Variants in CCSAP observed in about 807,000 individuals in gnomAD.
CCSAP encodes centriole, cilia and spindle-associated protein.
In CCSAP, 17 loss-of-function variants were observed where a neutral mutation model predicts 25.9. That is an observed-to-expected ratio of 0.66 (90% confidence interval 0.45 to 0.99). The LOEUF is 0.99. CCSAP is among the 50% of genes least tolerant of loss of function. The probability of loss-of-function intolerance (pLI) is 0.00; values close to 1 mark genes in which losing one functional copy is unlikely to be tolerated. For missense variants in CCSAP, 339 were observed against 367.8 expected, an observed-to-expected ratio of 0.92 and a Z score of 0.64; for synonymous variants, 169 against 157.1, an observed-to-expected ratio of 1.08 and a Z score of -0.57.
rs1657860549 is a variant in CCSAP, at chr1:229,322,912, T to C, written c.*2323A>G. 1 of 152,226 alleles carries C rather than the reference T, an allele frequency of 6.6e-6. No homozygotes were observed. The highest frequency in any genetic ancestry group is 2.1e-4 in the South Asian group (1 of 4,832). The allele number at this position is 152,226 out of a possible 1,614,324, so 9.4% of individuals were successfully genotyped here. A position where few individuals can be genotyped will look rare whatever the true frequency, so the allele number is the denominator to read the frequency against. On this transcript the variant is annotated 3_prime_UTR_variant, in exon 4 of 4. Transcript: ENST00000284617. ...TTTCAGACTTTTTCAACATGAAAGG[T>C]AATTTTTAAACTGTCTCACTGTCTT...
chr1:229,325,883 C>T (rs1280918856), intron 3 of CCSAP, among the ~76,000 whole-genome samples: 1 of 152,202 alleles, frequency 6.6e-6, no homozygotes, highest in African/African-American at 2.4e-5. Flanking sequence ...TAAAATTAAT[C>T]CCACGGACTT....
intron 2 of CCSAP, among the ~76,000 whole-genome samples, chr1:229,338,538 A>AATAC (rs112991384): frequency 1.3e-4 from 19 of 141,906 alleles, no homozygotes; most frequent in African/African-American, 4.7e-4. Flanking sequence ...CCCAAACCCC[A>AATAC]ACACACACAC....
At chr1:229,336,932 G>A (rs528676861) in intron 2 of CCSAP, among the ~76,000 whole-genome samples, 6 of 152,172 alleles carry the variant, frequency 3.9e-5, no homozygotes, top group Admixed American at 3.3e-4. Flanking sequence ...CAATAGAAAT[G>A]TTGGGAAATA....
At chr1:229,331,787 T>TTTTTTATTATTA (rs551904118) in intron 2 of CCSAP, among the ~76,000 whole-genome samples, 21 of 140,636 alleles carry the variant, frequency 1.5e-4, no homozygotes, top group East Asian at 6.2e-4. Context: ...CTAATATCCT[T>TTTTTTATTATTA]TTATTATTAT....
chr1:229,331,825 T>TATG (rs1161378313), intron 2 of CCSAP, among the ~76,000 whole-genome samples: 1 of 139,016 alleles, frequency 7.2e-6, no homozygotes. Flanking sequence ...TTATTATTAT[T>TATG]ATTATTTTGA....
rs1296373298 is a variant in CCSAP at position 229,322,871 on chromosome 1, A to G, written c.*2364T>C. ...GTTTTATGTAGCATTTATTTTAAAT[A>G]TCATTGGGTTCTCTGTTTCAGACTT... On this transcript the variant is annotated 3_prime_UTR_variant, in exon 4 of 4. Transcript: ENST00000284617. 1 of 152,230 alleles carries G rather than the reference A, an allele frequency of 6.6e-6. No homozygotes were observed. Among genetic ancestry groups the G allele is most frequent in the Non-Finnish European group, 1.5e-5 (1 of 68,034 alleles). 9.4% of individuals were successfully genotyped at this position (152,230 alleles called of 1,614,324 possible). A position where few individuals can be genotyped will look rare whatever the true frequency, so the allele number is the denominator to read the frequency against.
At chr1:229,326,560 C>T (rs904372631) in intron 3 of CCSAP, among the ~76,000 whole-genome samples, 178 bp downstream of exon 3, 1 of 152,238 alleles carries the variant, frequency 6.6e-6, no homozygotes, top group African/African-American at 2.4e-5. Context: ...ATGCAGAATC[C>T]TCCTTTGGTT....
intron 2 of CCSAP, among the ~76,000 whole-genome samples, chr1:229,331,500 G>A (rs1004027962): frequency 2.0e-4 from 31 of 152,290 alleles, no homozygotes; most frequent in African/African-American, 7.5e-4. Flanking sequence ...GTCTCTGTGT[G>A]TGTTCGTTTT....
intron 2 of CCSAP, among the ~76,000 whole-genome samples, chr1:229,337,459 G>T (rs1214382760): frequency 1.3e-5 from 2 of 151,214 alleles, no homozygotes; most frequent in African/African-American, 2.4e-5. Flanking sequence ...GATATGCAAG[G>T]TTACAAAATT....
chr1:229,337,678 A>AAAAAAATATATATATATAT, intron 2 of CCSAP, among the ~76,000 whole-genome samples: 1 of 65,506 alleles, frequency 1.5e-5, no homozygotes, highest in African/African-American at 6.0e-5. Context: ...CTCAAAAAAA[A>AAAAAAATATATATATATAT]ATATATATAT....
intron 2 of CCSAP, among the ~76,000 whole-genome samples, chr1:229,333,412 G>C (rs557775789): frequency 6.4e-5 from 8 of 125,656 alleles, no homozygotes; most frequent in Admixed American, 2.0e-4. Flanking sequence ...CAGCCTGGGC[G>C]ACAGAGCGAG....
At chr1:229,329,418 G>C (rs1169885276) in intron 2 of CCSAP, among the ~76,000 whole-genome samples, 2 of 152,234 alleles carry the variant, frequency 1.3e-5, no homozygotes, top group Admixed American at 6.5e-5. Context: ...CAAGAACATA[G>C]AGTCTATGGA....
At chr1:229,328,531 T>C (rs1392698264) in intron 2 of CCSAP, among the ~76,000 whole-genome samples, 1 of 151,878 alleles carries the variant, frequency 6.6e-6, no homozygotes, top group African/African-American at 2.4e-5. Context: ...GGTCTTAAAC[T>C]CCTGGCCTCA....
At chr1:229,326,268 C>G (rs1657938814) in intron 3 of CCSAP, among the ~76,000 whole-genome samples, 1 of 151,962 alleles carries the variant, frequency 6.6e-6, no homozygotes, top group Non-Finnish European at 1.5e-5. Context: ...ATCAGAGGAA[C>G]AAAAGGGAGT....
At chr1:229,341,062 C>T (rs577489764) in intron 2 of CCSAP, among the ~76,000 whole-genome samples, 91 of 152,146 alleles carry the variant, frequency 6.0e-4, no homozygotes, top group Non-Finnish European at 1.1e-3. Context: ...GGCGTGGTGG[C>T]GCGTGCCTGT....
At chr1:229,337,678 A>AAAAAAATATATATATAT in intron 2 of CCSAP, among the ~76,000 whole-genome samples, 3 of 65,514 alleles carry the variant, frequency 4.6e-5, no homozygotes, top group Non-Finnish European at 9.2e-5. Flanking sequence ...CTCAAAAAAA[A>AAAAAAATATATATATAT]ATATATATAT....
chr1:229,337,283 G>C (rs980926683), intron 2 of CCSAP, among the ~76,000 whole-genome samples: 1 of 151,620 alleles, frequency 6.6e-6, no homozygotes, highest in African/African-American at 2.4e-5. Context: ...CAAACATAGG[G>C]GGGTCACACA....
chr1:229,340,778 TCTC>T (rs999313940), intron 2 of CCSAP: 6 of 249,590 alleles, frequency 2.4e-5, no homozygotes, highest in African/African-American at 6.6e-5. Context: ...CGAAATTTCA[TCTC>T]CTCCTCAGCC....
At chr1:229,334,019 T>G (rs1304730063) in intron 2 of CCSAP, among the ~76,000 whole-genome samples, 1 of 152,238 alleles carries the variant, frequency 6.6e-6, no homozygotes, top group Non-Finnish European at 1.5e-5. Flanking sequence ...CTGATATTAT[T>G]AGGAATGTTT....
Sources: allele counts gnomAD v4.1 joint callset (sites outside exome capture counted in the v4.1 genomes callset), GRCh38; gene constraint gnomAD v4.1.1; transcripts MANE v1.5; gene names NCBI Gene and HGNC (gene_info 2026-07-23, HGNC 2026-07-21).